Variants in GPHN observed in about 807,000 individuals in gnomAD.
GPHN encodes gephyrin.
GPHN carries 17 observed loss-of-function variants against 95.5 expected under a neutral mutation model. That is an observed-to-expected ratio of 0.18 (90% confidence interval 0.12 to 0.27). The LOEUF is 0.27. GPHN is among the 10% of genes least tolerant of loss of function. The pLI is 1.00. For missense variants in GPHN, 660 were observed against 978.1 expected (o/e 0.67, Z 4.34); for synonymous variants, 320 against 322.5 (o/e 0.99, Z 0.08).
chr14:67,689,376 AC>A, the GPHN span, among the ~76,000 whole-genome samples: 1 of 152,168 alleles, frequency 6.6e-6, no homozygotes, highest in Admixed American at 6.5e-5. Context: ...TCCAGAGTAG[AC>A]AGTGCTAAGG....
intron 19 of GPHN, 55 bp downstream of exon 19, chr14:67,159,543 T>C (rs2081838965): frequency 1.1e-6 from 1 of 934,366 alleles, no homozygotes; most frequent in Non-Finnish European, 1.8e-6. Flanking sequence ...TTGCTTTAAC[T>C]AACAAATTTT....
the GPHN span, among the ~76,000 whole-genome samples, chr14:67,659,462 C>G: frequency 2.7e-5 from 4 of 150,826 alleles, no homozygotes; most frequent in African/African-American, 4.9e-5. Flanking sequence ...CTACTACATA[C>G]AAAGCACTGT....
the GPHN span, among the ~76,000 whole-genome samples, chr14:67,225,956 TGTGTGTGC>T: frequency 0.032 from 4,388 of 136,272 alleles, 101 homozygotes; most frequent in African/African-American, 0.067. Flanking sequence ...TGTGTGTGTG[TGTGTGTGC>T]GCGCGCGCGC....
chr14:66,552,791 A>G (rs1283328294), intron 1 of GPHN, among the ~76,000 whole-genome samples: 3 of 151,826 alleles, frequency 2.0e-5, no homozygotes, highest in Non-Finnish European at 4.4e-5. Flanking sequence ...AATAATTCTT[A>G]TTTCTCCCAT....
the GPHN span, among the ~76,000 whole-genome samples, chr14:67,329,880 A>AAATAAATT: frequency 7.2e-4 from 65 of 89,670 alleles, 1 homozygote; most frequent in African/African-American, 5.3e-3. Context: ...ATAAATAAAT[A>AAATAAATT]GATATAGAAA....
At chr14:67,092,767 C>T (rs1465445955) in intron 12 of GPHN, among the ~76,000 whole-genome samples, 1 of 151,976 alleles carries the variant, frequency 6.6e-6, no homozygotes, top group Non-Finnish European at 1.5e-5. Flanking sequence ...ACTGCATTCA[C>T]GTGGGAGTGA....
the GPHN span, chr14:67,650,236 CAG>C: frequency 5.2e-6 from 1 of 193,000 alleles, no homozygotes; most frequent in South Asian, 1.1e-4. Context: ...GGTGCTCTAA[CAG>C]ATACAGATAA....
At chr14:66,910,269 G>A (rs1263811662) in intron 5 of GPHN, among the ~76,000 whole-genome samples, 1 of 151,782 alleles carries the variant, frequency 6.6e-6, no homozygotes, top group East Asian at 1.9e-4. Context: ...TTTTTATTGT[G>A]AAAAATTTCA....
chr14:67,273,759 T>G, the GPHN span, among the ~76,000 whole-genome samples: 3 of 152,232 alleles, frequency 2.0e-5, no homozygotes, highest in South Asian at 4.1e-4. Flanking sequence ...AGTGTTCCTG[T>G]TTCTCCACAT....
At position 67,028,726 on chromosome 14, in the gene GPHN, CTGTT is replaced by C. The variant is rs1211337702; in HGVS notation, c.1006+5053_1006+5056del. Among the ~76,000 whole-genome samples the C allele has an allele frequency of 2.0e-5, 3 of 152,012 alleles. 1 individual carries two copies. The highest frequency in any genetic ancestry group is 4.4e-5 in the Non-Finnish European group (3 of 67,962). On this transcript the variant is annotated intron_variant, in intron 10 of 22. Transcript: ENST00000478722. Reference sequence around the variant, plus strand: ...TTTAATGGAATTATTTGGGTTTTTGCTGTTTAGTTGTTTGAATTCCTTGTATGTT... The same window carrying C: ...TTTAATGGAATTATTTGGGTTTTTGCTAGTTGTTTGAATTCCTTGTATGTT...
chr14:66,885,457 A>G (rs2064139927), intron 5 of GPHN, among the ~76,000 whole-genome samples: 1 of 152,126 alleles, frequency 6.6e-6, no homozygotes, highest in African/African-American at 2.4e-5. Flanking sequence ...ACTAGGGTTT[A>G]TAGGACAGCT....
At chr14:67,306,110 C>T in the GPHN span, among the ~76,000 whole-genome samples, 1 of 152,162 alleles carries the variant, frequency 6.6e-6, no homozygotes. Context: ...GCTGAGACTA[C>T]AAGTGCATGC....
chr14:66,625,074 T>G (rs1467462238), intron 1 of GPHN, among the ~76,000 whole-genome samples: 1 of 152,112 alleles, frequency 6.6e-6, no homozygotes, highest in Non-Finnish European at 1.5e-5. Context: ...TGGAAACTTG[T>G]CTTTTTTTTT....
intron 2 of GPHN, among the ~76,000 whole-genome samples, chr14:66,720,070 A>G (rs2070584345): frequency 6.6e-6 from 1 of 152,206 alleles, no homozygotes; most frequent in Non-Finnish European, 1.5e-5. Flanking sequence ...AGTGACATAG[A>G]ATCTAAATTA....
chr14:67,102,810 T>C (rs1006256615), intron 13 of GPHN, among the ~76,000 whole-genome samples: 1 of 152,204 alleles, frequency 6.6e-6, no homozygotes, highest in African/African-American at 2.4e-5. Context: ...TTGAGATATA[T>C]AGGAGAAGGA....
At chr14:67,550,099 G>A in the GPHN span, among the ~76,000 whole-genome samples, 3 of 147,910 alleles carry the variant, frequency 2.0e-5, no homozygotes, top group Non-Finnish European at 3.0e-5. Context: ...CTCCGTATTT[G>A]TGTATTTTAT....
At chr14:67,063,916 C>T (rs1406304449) in intron 11 of GPHN, among the ~76,000 whole-genome samples, 2 of 152,110 alleles carry the variant, frequency 1.3e-5, no homozygotes, top group African/African-American at 2.4e-5. Flanking sequence ...AATTGAATAC[C>T]TTTTATTTCT....
the GPHN span, chr14:67,533,666 C>G: frequency 6.6e-6 from 1 of 152,152 alleles, no homozygotes; most frequent in Non-Finnish European, 1.5e-5. Flanking sequence ...GATCCAGCCG[C>G]TCCTGGGAAG....
At chr14:67,694,516 A>T in the GPHN span, among the ~76,000 whole-genome samples, 80 of 138,486 alleles carry the variant, frequency 5.8e-4, no homozygotes, top group African/African-American at 2.2e-3. Flanking sequence ...ACACACATAT[A>T]TTTTTTTTTT....
Sources: gnomAD v4.1 joint callset for allele counts (sites outside exome capture counted in the v4.1 genomes callset) on GRCh38, gnomAD v4.1.1 for gene constraint, MANE v1.5 for transcripts, NCBI Gene and HGNC (gene_info 2026-07-23, HGNC 2026-07-21) for gene names.